The following AMZ1 variants were observed in gnomAD, a reference collection of about 807,000 sequenced individuals.
The protein encoded by AMZ1 is archaelysin family metallopeptidase 1, also known as archaemetzincin-1.
A neutral mutation model predicts 29.9 loss-of-function variants in AMZ1; 39 were observed. The observed-to-expected ratio is 1.30, with a 90% CI of 1.01 to 1.70. The LOEUF is 1.70. Ranked by LOEUF, AMZ1 falls within the 40% of genes most tolerant of loss-of-function variation. The pLI is 0.00. For synonymous variants in AMZ1, 458 were observed against 304.0 expected (o/e 1.51, Z -5.27); for missense variants, 1,041 against 680.6 (o/e 1.53, Z -5.89).
chr7:2,689,307 C>T, intron 1 of AMZ1, among the ~76,000 whole-genome samples: 1 of 152,040 alleles, frequency 6.6e-6, no homozygotes, highest in East Asian at 1.9e-4. Flanking sequence ...GCAGCCTGAC[C>T]TTGGATACCT....
upstream of AMZ1, among the ~76,000 whole-genome samples, chr7:2,687,905 C>A (rs764238292): frequency 3.8e-4 from 58 of 152,198 alleles, no homozygotes; most frequent in African/African-American, 1.1e-3. Flanking sequence ...ACCTCTTCAC[C>A]TGGCGCCTTG....
chr7:2,699,718 G>A (rs975778334), intron 1 of AMZ1, among the ~76,000 whole-genome samples: 2 of 152,178 alleles, frequency 1.3e-5, no homozygotes, highest in African/African-American at 4.8e-5. Context: ...GCGATGGGGG[G>A]ACCCAGGTGA....
chr7:2,695,883 A>G (rs1293725051), intron 1 of AMZ1, among the ~76,000 whole-genome samples: 2 of 151,066 alleles, frequency 1.3e-5, no homozygotes, highest in South Asian at 2.1e-4. Context: ...GGTGGCGGGC[A>G]CCTGTAGTCC....
chr7:2,732,234 C>A (rs1336344765), intron 4 of AMZ1, among the ~76,000 whole-genome samples: 1 of 152,172 alleles, frequency 6.6e-6, no homozygotes, highest in East Asian at 1.9e-4. Context: ...GCATACTCTT[C>A]ACTCACTTTG....
chr7:2,728,130 A>AGGGG (rs1562386851), intron 4 of AMZ1: 1 of 152,258 alleles, frequency 6.6e-6, no homozygotes, highest in African/African-American at 2.4e-5. Flanking sequence ...AGAAAGACTA[A>AGGGG]ATTTATTTTA....
chr7:2,764,210 C>T (rs1440601978), upstream of AMZ1, among the ~76,000 whole-genome samples: 1 of 151,352 alleles, frequency 6.6e-6, no homozygotes, highest in Non-Finnish European at 1.5e-5. Flanking sequence ...GTAGCTGGGA[C>T]CACGGGCACG....
upstream of AMZ1, among the ~76,000 whole-genome samples, chr7:2,686,552 A>C (rs1787084665): frequency 6.6e-6 from 1 of 152,184 alleles, no homozygotes; most frequent in South Asian, 2.1e-4. Flanking sequence ...CTTTTTAAAA[A>C]TACATTTCAA....
chr7:2,725,918 C>T (rs898219219), intron 4 of AMZ1, among the ~76,000 whole-genome samples: 5 of 134,660 alleles, frequency 3.7e-5, no homozygotes, highest in East Asian at 2.0e-4. Flanking sequence ...CCAGCCCGCC[C>T]GCTGCAGTCC....
chr7:2,758,938 C>A (rs1230146938), intron 4 of AMZ1, among the ~76,000 whole-genome samples: 1 of 151,914 alleles, frequency 6.6e-6, no homozygotes, highest in African/African-American at 2.4e-5. Flanking sequence ...GTCAGGAGTT[C>A]GAGACCAGCC....
upstream of AMZ1, chr7:2,762,327 C>T (rs1180008848): frequency 2.1e-5 from 7 of 330,222 alleles, no homozygotes; most frequent in African/African-American, 1.1e-4. Context: ...AGGCGCTGCG[C>T]GACTGCTGCT....
chr7:2,762,466 T>C (rs753107152), upstream of AMZ1: 6 of 623,818 alleles, frequency 9.6e-6, no homozygotes, highest in Admixed American at 4.0e-5. Context: ...GTCCAGCCTC[T>C]GAACCCACCC....
intron 4 of AMZ1, among the ~76,000 whole-genome samples, chr7:2,727,510 G>A (rs1410056851): frequency 6.6e-6 from 1 of 152,076 alleles, no homozygotes; most frequent in East Asian, 1.9e-4. Context: ...CAAGTAGCTG[G>A]CACTACAAGC....
chr7:2,750,735 G>A (rs1018861718), intron 4 of AMZ1, among the ~76,000 whole-genome samples: 1 of 152,148 alleles, frequency 6.6e-6, no homozygotes, highest in Admixed American at 6.5e-5. Flanking sequence ...CACACACACA[G>A]TGTGAAGAGC....
chr7:2,704,365 G>A (rs1788228538), intron 3 of AMZ1, among the ~76,000 whole-genome samples: 1 of 152,070 alleles, frequency 6.6e-6, no homozygotes, highest in South Asian at 2.1e-4. Flanking sequence ...AGCTGGCAGT[G>A]GTGGCACACA....
chr7:2,709,292 CT>C, intron 5 of AMZ1, 48 bp downstream of exon 5: 1 of 1,464,088 alleles, frequency 6.8e-7, no homozygotes, highest in South Asian at 1.4e-5. Flanking sequence ...AGGGTGCTGT[CT>C]GAGCCCTTGG....
In AMZ1 at chr7:2,715,273, G is replaced by A. The variant is rs1789055067; in HGVS notation, c.*2395G>A. ...AGGGAATGTGAGACAACACAATATT[G>A]CTGTGGCCATTCATGAACAGTCAGT... On this transcript the variant is annotated 3_prime_UTR_variant, in exon 7 of 7. Transcript: ENST00000683327. 6.6e-6 allele frequency: 1 copy of A among 152,354 alleles called. No individual in the cohort carries two copies. The highest frequency in any genetic ancestry group is 6.5e-5 in the Admixed American group (1 of 15,278). 9.4% of individuals were successfully genotyped at this position (152,354 alleles called of 1,614,324 possible).
rs1055088457 is a variant in AMZ1 at position 2,714,128 on chromosome 7, GGA to G, written c.*1257_*1258del. 1.3e-5 allele frequency: 2 copies of G among 152,290 alleles called. No homozygotes were observed. Among genetic ancestry groups the G allele is most frequent in the African/African-American group, 4.8e-5 (2 of 41,438 alleles). The allele number at this position is 152,290 out of a possible 1,614,324, so 9.4% of individuals were successfully genotyped here. On this transcript the variant is annotated 3_prime_UTR_variant, in exon 7 of 7. Transcript: ENST00000683327. Reference sequence around the variant, plus strand: ...CTCAGCCTGTGGTGGAGGGTCTCTGGGAGAGAGACTTCCGGTTCTGACAGCGG... The same window carrying G: ...CTCAGCCTGTGGTGGAGGGTCTCTGGGAGAGACTTCCGGTTCTGACAGCGG...
intron 2 of AMZ1, 51 bp downstream of exon 2, chr7:2,700,806 A>G (rs1788012019): frequency 7.0e-6 from 11 of 1,580,218 alleles, no homozygotes; most frequent in East Asian, 6.7e-5. Flanking sequence ...CAGCTTATAT[A>G]TAGCACAAGT....
chr7:2,685,352 G>A (rs1787038141), upstream of AMZ1, among the ~76,000 whole-genome samples: 3 of 151,380 alleles, frequency 2.0e-5, no homozygotes, highest in Admixed American at 2.0e-4. Context: ...GAAGTCAGGA[G>A]TTCGAGACCA....
Sources: allele counts gnomAD v4.1 joint callset (sites outside exome capture counted in the v4.1 genomes callset), GRCh38; gene constraint gnomAD v4.1.1; transcripts MANE v1.5; gene names NCBI Gene and HGNC (gene_info 2026-07-23, HGNC 2026-07-21).